BICD1: variants seen among roughly 807,000 people sequenced by gnomAD.
BICD1 encodes BICD cargo adaptor 1.
A neutral mutation model predicts 92.5 loss-of-function variants in BICD1; 35 were observed. The observed-to-expected ratio is 0.38, with a 90% confidence interval of 0.29 to 0.50. BICD1 has a LOEUF of 0.50. BICD1 is among the 20% of genes least tolerant of loss of function. The pLI is 0.93. For synonymous variants in BICD1, 429 were observed against 465.1 expected (o/e 0.92, Z 1.00); for missense variants, 950 against 1,189.8 (o/e 0.80, Z 2.97).
Position 32,313,708 on chromosome 12 carries a change from G to C in BICD1, c.1005+7586G>C, listed in dbSNP as rs998887132. On this transcript the variant is annotated intron_variant, in intron 4 of 9. Coordinates refer to ENST00000652176, the MANE Select transcript of BICD1 (RefSeq NM_001714.4). The surrounding 1 kb of genome is among the most constrained non-coding windows in gnomAD (Gnocchi z 4.2). ...GATTACAAACTAGCTGGGCGCAGTGGCTCATACCTGTAATCCCAGCACTTC... is the reference window on the plus strand; with the variant it reads ...GATTACAAACTAGCTGGGCGCAGTGCCTCATACCTGTAATCCCAGCACTTC... 2.6e-5 allele frequency among the ~76,000 whole-genome samples: 4 copies of C among 152,222 alleles called. No individual in the cohort carries two copies. Among genetic ancestry groups the C allele is most frequent in the Non-Finnish European group, 5.9e-5 (4 of 68,046 alleles).
rs578178112 is a variant in BICD1, at chr12:32,238,973, G to A, written c.426+22514G>A. On this transcript the variant is annotated intron_variant, in intron 2 of 9. Coordinates refer to ENST00000652176, the MANE Select transcript of BICD1 (RefSeq NM_001714.4). ...AAAAAAAAAAAAAAAAAGGCTGGGC[G>A]CAGTGGCTCACGCCTGTAATCCCAG... Among the ~76,000 whole-genome samples the A allele has an allele frequency of 3.4e-5, 5 of 149,190 alleles. No individual in the cohort carries two copies. The South Asian group carries it at 6.4e-4, about 19-fold the overall frequency.
At chr12:32,199,783 GGAGTTCCTTCA>G (rs1944851838) in intron 1 of BICD1, among the ~76,000 whole-genome samples, 1 of 152,092 alleles carries the variant, frequency 6.6e-6, no homozygotes, top group Admixed American at 6.6e-5. Flanking sequence ...GGAGGTTTGG[GGAGTTCCTTCA>G]GACCTCCAAT....
chr12:32,351,021 A>T (rs1036728588), intron 8 of BICD1, among the ~76,000 whole-genome samples: 1 of 152,028 alleles, frequency 6.6e-6, no homozygotes, highest in Non-Finnish European at 1.5e-5. Flanking sequence ...TGGCATATAG[A>T]TTATTTATGT....
intron 1 of BICD1, among the ~76,000 whole-genome samples, chr12:32,180,827 G>C (rs1435397677): frequency 6.6e-6 from 1 of 151,858 alleles, no homozygotes; most frequent in Admixed American, 6.6e-5. Flanking sequence ...ATTCATTAAG[G>C]AGCATTTGCT....
chr12:32,229,313 T>TG (rs1256231078), intron 2 of BICD1, among the ~76,000 whole-genome samples: 1 of 152,026 alleles, frequency 6.6e-6, no homozygotes, highest in Admixed American at 6.5e-5. Flanking sequence ...TGTAAGGCCA[T>TG]GGCATTGGTG....
At chr12:32,139,335 A>G (rs1234563507) in intron 1 of BICD1, among the ~76,000 whole-genome samples, 3 of 152,108 alleles carry the variant, frequency 2.0e-5, no homozygotes, top group African/African-American at 7.2e-5. Flanking sequence ...CAGTGCTTTC[A>G]TGGCCTCTCC....
At chr12:32,235,560 T>A (rs114662354) in intron 2 of BICD1, among the ~76,000 whole-genome samples, 1 of 132,578 alleles carries the variant, frequency 7.5e-6, no homozygotes, top group African/African-American at 2.6e-5. Context: ...TATTGTGGGT[T>A]TTTTTTTTTA....
At position 32,282,223 on chromosome 12, in the gene BICD1, T is replaced by C. The variant is rs1431391442; in HGVS notation, c.427-11771T>C. Among the ~76,000 whole-genome samples, 57 of 133,128 alleles carry C rather than the reference T, an allele frequency of 4.3e-4. No homozygotes were observed. The East Asian group carries it at 9.6e-3, about 22-fold the overall frequency. 87.3% of individuals were successfully genotyped at this position (133,128 alleles called of 152,430 possible). On this transcript the variant is annotated intron_variant, in intron 2 of 9. Transcript: ENST00000652176. The stretch of plus-strand genomic sequence containing the variant: ...TCTTCTTTTTTTTTTTTTTTTTTTT[T>C]TTTTTTTTTTTTTTTGACACAGGGT...
Position 32,327,939 on chromosome 12 carries a change from A to G in BICD1, c.1484A>G (p.Asn495Ser), listed in dbSNP as rs116296656. 49 of 1,614,186 alleles carry G rather than the reference A, an allele frequency of 3.0e-5. No individual in the cohort carries two copies. Among genetic ancestry groups the G allele is most frequent in the East Asian group, 1.8e-4 (8 of 44,878 alleles). ...TTGCAAAAGATGACCAGCATAGCCA[A>G]CGAAAATCACAGTACCCTTAATACG... is the stretch of plus-strand genomic sequence containing the variant. ...KELQKMTSIA[N>S]ENHSTLNTAQ... The change falls in exon 5 of 10, where the codon AAC becomes AGC. Residue 495 changes from asparagine to serine, a missense_variant. By Grantham distance (46) the Asn-to-Ser change is conservative. This residue lies in a region of BICD1 where 309 missense variants were observed against 499.4 expected (regional missense o/e 0.62). Transcript: ENST00000652176.
chr12:32,146,169 TTATC>T (rs562848198), intron 1 of BICD1, among the ~76,000 whole-genome samples: 118 of 152,374 alleles, frequency 7.7e-4, no homozygotes, highest in African/African-American at 2.6e-3. Flanking sequence ...TGACAGTTAT[TTATC>T]AGGCATATTT....
chr12:32,357,646 C>T (rs945289067), intron 8 of BICD1, among the ~76,000 whole-genome samples: 10 of 152,044 alleles, frequency 6.6e-5, no homozygotes, highest in Non-Finnish European at 7.4e-5. Context: ...TCAAGGTGTC[C>T]GCAGGTCTGT....
chr12:32,380,698 C>T lies in BICD1; in HGVS notation c.*3071C>T, dbSNP rs1204099022. On this transcript the variant is annotated 3_prime_UTR_variant, in exon 10 of 10. Transcript: ENST00000652176. ...ATCCATTAGATCCCATTCATATATC[C>T]AACTCTGGATTCTAATAAAATAATT... is the stretch of plus-strand genomic sequence containing the variant. 6.6e-6 allele frequency: 1 copy of T among 152,046 alleles called. No homozygotes were observed. Among genetic ancestry groups the T allele is most frequent in the Non-Finnish European group, 1.5e-5 (1 of 67,968 alleles). The allele number at this position is 152,046 out of a possible 1,614,324, so 9.4% of individuals were successfully genotyped here.
At chr12:32,262,893 C>T (rs1004596236) in intron 2 of BICD1, among the ~76,000 whole-genome samples, 1 of 152,124 alleles carries the variant, frequency 6.6e-6, no homozygotes, top group Non-Finnish European at 1.5e-5. Flanking sequence ...CCTGTAATCC[C>T]AGCACTTTGA....
chr12:32,291,537 A>AT (rs534321214), intron 2 of BICD1, among the ~76,000 whole-genome samples: 219 of 151,172 alleles, frequency 1.4e-3, no homozygotes, highest in African/African-American at 5.0e-3. Context: ...ACCAAAAAAA[A>AT]AAATATATAT....
chr12:32,375,253 G>A (rs987540593), intron 9 of BICD1, among the ~76,000 whole-genome samples: 4 of 152,050 alleles, frequency 2.6e-5, no homozygotes, highest in Non-Finnish European at 5.9e-5. Context: ...ATGAGGCCGG[G>A]CACGGTGGCT....
intron 1 of BICD1, among the ~76,000 whole-genome samples, chr12:32,180,735 A>G (rs1944247271): frequency 6.6e-6 from 1 of 151,926 alleles, no homozygotes; most frequent in South Asian, 2.1e-4. Context: ...CTTTGTAAAC[A>G]TTTTGTTAAT....
intron 9 of BICD1, among the ~76,000 whole-genome samples, chr12:32,375,922 A>ATT (rs1939937240): frequency 6.6e-6 from 1 of 152,230 alleles, no homozygotes; most frequent in East Asian, 1.9e-4. Context: ...AATTAATAGT[A>ATT]ATAATGAGCC....
chr12:32,142,405 TAAAAAAAAAAAAAAAAA>T (rs1162662533), intron 1 of BICD1, among the ~76,000 whole-genome samples: 2 of 63,388 alleles, frequency 3.2e-5, no homozygotes, highest in Admixed American at 2.4e-4. Flanking sequence ...AGACTCTGTC[TAAAAAAAAAAAAAAAAA>T]AAAAAAAAAC....
At chr12:32,185,253 A>G (rs1944396472) in intron 1 of BICD1, among the ~76,000 whole-genome samples, 1 of 152,234 alleles carries the variant, frequency 6.6e-6, no homozygotes, top group African/African-American at 2.4e-5. Flanking sequence ...TTTATTATTA[A>G]TCACAAATCA....
Sources: allele counts gnomAD v4.1 joint callset (sites outside exome capture counted in the v4.1 genomes callset), GRCh38; gene constraint gnomAD v4.1.1; regional missense constraint gnomAD v4.1.1; non-coding constraint Gnocchi (gnomAD v3.1); transcripts MANE v1.5; gene names NCBI Gene and HGNC (gene_info 2026-07-23, HGNC 2026-07-21).